Variants in ZNF804B observed in about 807,000 individuals in gnomAD.
ZNF804B encodes zinc finger protein 804B.
ZNF804B carries 80 observed loss-of-function variants against 101.4 expected under a neutral mutation model. The observed-to-expected ratio is 0.79, with a 90% confidence interval of 0.66 to 0.95. The LOEUF (loss-of-function observed/expected upper bound fraction) is 0.95, where lower values mean the gene tolerates loss of function less well. Among genes scored for constraint, ZNF804B ranks in the 40% least tolerant of loss-of-function variants. ZNF804B has a pLI of 0.00. For missense variants in ZNF804B, 1,673 were observed against 1,561.9 expected (o/e 1.07, Z -1.20); for synonymous variants, 622 against 558.8 (o/e 1.11, Z -1.59).
chr7:88,781,745 A>G (rs1562791837), intron 1 of ZNF804B, among the ~76,000 whole-genome samples: 1 of 152,148 alleles, frequency 6.6e-6, no homozygotes, highest in African/African-American at 2.4e-5. Context: ...AGATTTGAAC[A>G]CAGATCCTCA....
chr7:89,141,938 A>G (rs1266048076), intron 1 of ZNF804B, among the ~76,000 whole-genome samples: 1 of 151,626 alleles, frequency 6.6e-6, no homozygotes, highest in African/African-American at 2.4e-5. Context: ...CATAAACTTC[A>G]TCAAGTTCAA....
chr7:89,252,111 A>G (rs1463481699), intron 2 of ZNF804B, among the ~76,000 whole-genome samples: 2 of 152,180 alleles, frequency 1.3e-5, no homozygotes, highest in Non-Finnish European at 2.9e-5. Flanking sequence ...CAATAAGAGT[A>G]CACAGACAAC....
intron 1 of ZNF804B, among the ~76,000 whole-genome samples, chr7:89,068,772 A>G (rs1001164608): frequency 3.3e-5 from 5 of 152,224 alleles, no homozygotes; most frequent in African/African-American, 1.2e-4. Flanking sequence ...AGTTATCAGA[A>G]TGTGTAATTG....
At chr7:89,290,965 A>G (rs1790279960) in intron 2 of ZNF804B, among the ~76,000 whole-genome samples, 1 of 152,140 alleles carries the variant, frequency 6.6e-6, no homozygotes, top group Admixed American at 6.6e-5. Flanking sequence ...GAAGAACATA[A>G]TGGAAGAAAT....
chr7:88,899,371 T>C (rs1792356020), intron 1 of ZNF804B, among the ~76,000 whole-genome samples: 1 of 152,198 alleles, frequency 6.6e-6, no homozygotes, highest in Non-Finnish European at 1.5e-5. Context: ...TAAGGTTACA[T>C]ACATTTCCAA....
chr7:89,077,174 G>C (rs1204569165), intron 1 of ZNF804B, among the ~76,000 whole-genome samples: 1 of 152,102 alleles, frequency 6.6e-6, no homozygotes, highest in East Asian at 1.9e-4. Flanking sequence ...ACTGCTGTAG[G>C]GCAGGTACAG....
rs544500253 is a variant in ZNF804B, at chr7:88,930,650, T to C, written c.108+170566T>C. Among the ~76,000 whole-genome samples the C allele has an allele frequency of 3.3e-5, 5 of 151,988 alleles. No homozygotes were observed. The East Asian group carries it at 7.7e-4, about 24-fold the overall frequency. The stretch of plus-strand genomic sequence containing the variant: ...GAGTGAATTAAGACATCGTGTTTTG[T>C]GGTAGTTGATAAGAAAGAGAAGGAG... On this transcript the variant is annotated intron_variant, in intron 1 of 3. Transcript: ENST00000333190.
intron 1 of ZNF804B, among the ~76,000 whole-genome samples, chr7:88,875,695 G>A (rs976997126): frequency 4.6e-5 from 7 of 151,952 alleles, no homozygotes; most frequent in Non-Finnish European, 4.4e-5. Context: ...AAGAGTCCAG[G>A]ACCAGATGGA....
At chr7:89,304,113 T>C (rs117714528) in intron 2 of ZNF804B, among the ~76,000 whole-genome samples, 3 of 152,020 alleles carry the variant, frequency 2.0e-5, no homozygotes, top group East Asian at 3.9e-4. Context: ...ATGTAAACAT[T>C]CTATAATCCA....
intron 1 of ZNF804B, among the ~76,000 whole-genome samples, chr7:89,134,305 A>G (rs1480464523): frequency 2.0e-5 from 3 of 152,046 alleles, no homozygotes; most frequent in Admixed American, 2.0e-4. Flanking sequence ...TTAAGAAAAA[A>G]ATTAGGAGAC....
intron 1 of ZNF804B, among the ~76,000 whole-genome samples, chr7:89,081,503 A>G (rs1422847184): frequency 6.6e-6 from 1 of 151,836 alleles, no homozygotes; most frequent in Non-Finnish European, 1.5e-5. Context: ...TTAGATCCCC[A>G]TTATGAACTA....
intron 1 of ZNF804B, among the ~76,000 whole-genome samples, chr7:89,017,527 G>A (rs1002720617): frequency 2.6e-5 from 4 of 151,872 alleles, no homozygotes; most frequent in South Asian, 2.1e-4. Flanking sequence ...ATGGAGTTGA[G>A]GATTATTTAT....
At chr7:88,868,054 T>A (rs866049298) in intron 1 of ZNF804B, among the ~76,000 whole-genome samples, 1 of 129,942 alleles carries the variant, frequency 7.7e-6, no homozygotes, top group African/African-American at 2.8e-5. Flanking sequence ...TGTGAGTGTG[T>A]GTGTGTGTGT....
chr7:89,010,895 G>T (rs1022315765), intron 1 of ZNF804B, among the ~76,000 whole-genome samples: 2 of 152,194 alleles, frequency 1.3e-5, no homozygotes, highest in Non-Finnish European at 2.9e-5. Flanking sequence ...CACAGGAAAA[G>T]TCCACAATGT....
At chr7:89,143,496 G>C (rs1383678592) in intron 1 of ZNF804B, among the ~76,000 whole-genome samples, 1 of 151,948 alleles carries the variant, frequency 6.6e-6, no homozygotes, top group Non-Finnish European at 1.5e-5. Context: ...AGACATAGAT[G>C]TGGATGATCT....
chr7:88,954,403 G>T (rs757602541), intron 1 of ZNF804B, among the ~76,000 whole-genome samples: 5 of 151,776 alleles, frequency 3.3e-5, no homozygotes, highest in African/African-American at 1.2e-4. Context: ...ATCAGCAAGA[G>T]ATTGTATTCA....
chr7:89,023,812 C>T (rs1355925965), intron 1 of ZNF804B, among the ~76,000 whole-genome samples: 2 of 152,172 alleles, frequency 1.3e-5, no homozygotes, highest in African/African-American at 4.8e-5. Flanking sequence ...CAGACCTGAG[C>T]TCATATGCCT....
At position 88,870,400 on chromosome 7, in the gene ZNF804B, A is replaced by AAAAAAAAAAAAAAAAAAAG. The variant is rs781332488; in HGVS notation, c.108+110323_108+110324insAAAAAAAAAAAGAAAAAAA. ...ACTCCGTCTCAAAAAAAAAAAAAAAAAAAAAAAGGTGGGTGATTGGAAAAC... is the reference window on the plus strand; with the variant it reads ...ACTCCGTCTCAAAAAAAAAAAAAAAAAAAAAAAAAAAAAAAAAAGAAAAAAAGGTGGGTGATTGGAAAAC... On this transcript the variant is annotated intron_variant, in intron 1 of 3. Transcript: ENST00000333190. Among the ~76,000 whole-genome samples the AAAAAAAAAAAAAAAAAAAG allele has an allele frequency of 5.3e-3, 599 of 112,292 alleles. 33 individuals carry two copies. The highest frequency in any genetic ancestry group is 9.2e-3 in the African/African-American group (233 of 25,376). 73.7% of individuals were successfully genotyped at this position (112,292 alleles called of 152,430 possible).
At chr7:89,156,032 CTTTCTTTCTT>C (rs1790961723) in intron 1 of ZNF804B, among the ~76,000 whole-genome samples, 1 of 52,062 alleles carries the variant, frequency 1.9e-5, no homozygotes, top group Non-Finnish European at 4.6e-5. Context: ...TTCTTTCTTT[CTTTCTTTCTT>C]TCTTTCTTTC....
Sources: allele counts gnomAD v4.1 joint callset (sites outside exome capture counted in the v4.1 genomes callset), GRCh38; gene constraint gnomAD v4.1.1; transcripts MANE v1.5; gene names NCBI Gene and HGNC (gene_info 2026-07-23, HGNC 2026-07-21).